BSN: variants seen among roughly 807,000 people sequenced by gnomAD.
BSN encodes protein bassoon.
BSN carries 57 observed loss-of-function variants against 264.8 expected under a neutral mutation model. The ratio of observed to expected loss-of-function variants is 0.22; its 90% CI spans 0.17 to 0.27. The LOEUF is 0.27. Ranked by LOEUF, BSN falls within the 10% of genes least tolerant of loss-of-function variation. The pLI is 1.00. For missense variants in BSN, 4,615 were observed against 5,232.5 expected, an observed-to-expected ratio of 0.88 and a Z score of 3.64; for synonymous variants, 2,059 against 2,137.3, an observed-to-expected ratio of 0.96 and a Z score of 1.01.
At chr3:49,644,714 G>A (rs1312690165) in intron 3 of BSN, among the ~76,000 whole-genome samples, 3 of 152,178 alleles carry the variant, frequency 2.0e-5, no homozygotes, top group South Asian at 2.1e-4. Flanking sequence ...GACACTGAGC[G>A]ACTGTGAGCC....
rs534689607 is a variant in BSN at position 49,663,169 on chromosome 3, G to T, written c.11011G>T (p.Ala3671Ser). 2.5e-6 allele frequency: 4 copies of T among 1,613,242 alleles called. No homozygotes were observed. Among genetic ancestry groups the T allele is most frequent in the East Asian group, 2.2e-5 (1 of 44,876 alleles). ...EPGRRAAKPH[A>S]RDLGRHEARP... ...GGGACGGCGTGCTGCCAAACCACACGCTCGGGACCTGGGTCGCCATGAGGC... is the reference window on the plus strand; with the variant it reads ...GGGACGGCGTGCTGCCAAACCACACTCTCGGGACCTGGGTCGCCATGAGGC... Residue 3671 changes from alanine to serine, a missense_variant, in exon 7 of 12, where the codon GCT (alanine) becomes TCT (serine). Ala to Ser is a moderately conservative substitution (Grantham distance 99, BLOSUM62 1). Around this residue, in one of 3 missense-constraint regions of BSN, gnomAD observed 3,415 missense variants for 3,866.4 expected, o/e 0.88. Transcript: ENST00000296452.
intron 1 of BSN, among the ~76,000 whole-genome samples, chr3:49,580,836 A>G (rs1487487223): frequency 6.6e-6 from 1 of 152,120 alleles, no homozygotes; most frequent in Non-Finnish European, 1.5e-5. Context: ...TAAGTGTACA[A>G]TTTAGTGGCA....
chr3:49,588,651 C>A (rs1198997255), intron 1 of BSN, among the ~76,000 whole-genome samples: 2 of 152,176 alleles, frequency 1.3e-5, no homozygotes, highest in South Asian at 2.1e-4. Context: ...TCTCAAAGTA[C>A]TTTAAAATTT....
Position 49,652,763 on chromosome 3 carries a change from C to A in BSN, c.3207C>A (p.Ser1069Arg). ...MREVEQQRIRSTARKTRRDKE... is the reference protein window; with the variant it reads ...MREVEQQRIRRTARKTRRDKE... ...AGGTGGAGCAGCAGCGCATCCGCAG[C>A]ACGGCCCGCAAGACCCGGCGGGACA... Residue 1069 changes from serine to arginine, a missense_variant, in exon 5 of 12, where the codon AGC becomes AGA. Ser to Arg is a moderately radical substitution (Grantham distance 110, BLOSUM62 -1). Coordinates refer to ENST00000296452, the MANE Select transcript of BSN (RefSeq NM_003458.4). The A allele has an allele frequency of 6.4e-7, 1 of 1,554,402 alleles. No individual in the cohort carries two copies. The highest frequency in any genetic ancestry group is 1.7e-4 in the Middle Eastern group (1 of 5,746).
In BSN at chr3:49,650,695, C is replaced by T. The variant is rs759073372; in HGVS notation, c.1602C>T (p.Pro534=). Residue 534 remains proline (P), a synonymous_variant, in exon 4 of 12, where the codon CCC becomes CCT. Coordinates refer to ENST00000296452, the MANE Select transcript of BSN (RefSeq NM_003458.4). ...GAGAGCCGACCCCCCTGCCGCCGCC[C>T]ACCTCACAGCAGCCCCCTGTAGGGG... ...SLGEPTPLPP[P]TSQQPPVGAP... The T allele has an allele frequency of 6.2e-7, 1 of 1,609,754 alleles. No individual in the cohort carries two copies. Among genetic ancestry groups the T allele is most frequent in the Admixed American group, 1.7e-5 (1 of 58,528 alleles).
At chr3:49,583,268 A>C (rs2051908638) in intron 1 of BSN, among the ~76,000 whole-genome samples, 1 of 152,098 alleles carries the variant, frequency 6.6e-6, no homozygotes. Context: ...TGTGTCTGGA[A>C]CATTGATTGA....
intron 1 of BSN, among the ~76,000 whole-genome samples, chr3:49,604,041 T>C (rs945858320): frequency 6.6e-6 from 1 of 152,180 alleles, no homozygotes; most frequent in African/African-American, 2.4e-5. Context: ...TGTTTTATCT[T>C]GTTTTGTTTT....
In BSN at chr3:49,651,735, G is replaced by A. The variant is rs770201647; in HGVS notation, c.2179G>A (p.Val727Met). 25 of 1,613,698 alleles carry A rather than the reference G, an allele frequency of 1.5e-5. No homozygotes were observed. The Admixed American group carries it at 4.2e-4, about 27-fold the overall frequency. ...HPPSPSEIHK[V>M]GSSMRPLLQA... ...ACCCAGCCCCTCCGAGATCCACAAGGTGGGGAGCAGCATGCGGCCTTTGCT... is the reference window on the plus strand; with the variant it reads ...ACCCAGCCCCTCCGAGATCCACAAGATGGGGAGCAGCATGCGGCCTTTGCT... Residue 727 changes from valine (V) to methionine (M), a missense_variant, in exon 5 of 12, where the codon GTG (valine) becomes ATG (methionine). Physicochemically the swap from Val to Met is conservative, Grantham distance 21. Around this residue, in one of 3 missense-constraint regions of BSN, gnomAD observed 1,197 missense variants for 1,348.0 expected, o/e 0.89. Coordinates refer to ENST00000296452, the MANE Select transcript of BSN (RefSeq NM_003458.4). This position sits in a 1 kb window ranked among gnomAD's most constrained non-coding sequence, Gnocchi z 5.4.
intron 1 of BSN, among the ~76,000 whole-genome samples, chr3:49,572,207 C>T (rs187566549): frequency 6.6e-6 from 1 of 152,292 alleles, no homozygotes; most frequent in East Asian, 1.9e-4. Flanking sequence ...ATTAATCTGA[C>T]ATAAAAACTT....
chr3:49,625,334 A>G lies in BSN; in HGVS notation c.584A>G (p.Asn195Ser), dbSNP rs371158013. Residue 195 changes from asparagine (N) to serine (S), a missense_variant, in exon 2 of 12, where the codon AAC (asparagine) becomes AGC (serine). Transcript: ENST00000296452. The surrounding 1 kb of genome is among the most constrained non-coding windows in gnomAD (Gnocchi z 4.4). ...TTCAACACCTGCACCCAGTGTCACA[A>G]CAAGGTCTGCAACCAGTGTGGGTTC... ...PNFNTCTQCH[N>S]KVCNQCGFNP... The G allele has an allele frequency of 6.4e-7, 1 of 1,570,364 alleles. No homozygotes were observed. The highest frequency in any genetic ancestry group is 1.4e-5 in the African/African-American group (1 of 73,360).
At chr3:49,615,436 T>C (rs1032375132) in intron 1 of BSN, among the ~76,000 whole-genome samples, 1 of 152,156 alleles carries the variant, frequency 6.6e-6, no homozygotes, top group Non-Finnish European at 1.5e-5. Context: ...CTGGGGTCTT[T>C]TGAGTCTTGG....
In BSN at chr3:49,660,454, C is replaced by T; in HGVS notation, c.8641-32C>T. The T allele has an allele frequency of 6.6e-7, 1 of 1,519,264 alleles. No individual in the cohort carries two copies. Among genetic ancestry groups the T allele is most frequent in the Non-Finnish European group, 8.8e-7 (1 of 1,134,666 alleles). The allele number at this position is 1,519,264 out of a possible 1,614,324, so 94.1% of individuals were successfully genotyped here. A position where few individuals can be genotyped will look rare whatever the true frequency, so the allele number is the denominator to read the frequency against. ...CCCATCAAGTCACCACACCTTGGGT[C>T]TCAGTGCTGCCCACCCTTCCCTCTG... On this transcript the variant is annotated intron_variant, in intron 5 of 11. Coordinates refer to ENST00000296452, the MANE Select transcript of BSN (RefSeq NM_003458.4). This position sits in a 1 kb window ranked among gnomAD's most constrained non-coding sequence, Gnocchi z 7.1.
intron 2 of BSN, among the ~76,000 whole-genome samples, chr3:49,630,193 G>C (rs1442699913): frequency 6.6e-6 from 1 of 152,240 alleles, no homozygotes; most frequent in African/African-American, 2.4e-5. Flanking sequence ...GGGCCAGAGA[G>C]GAATGAGGAG....
At chr3:49,650,090 T>C (rs1442029400) in intron 3 of BSN, among the ~76,000 whole-genome samples, 5 of 152,146 alleles carry the variant, frequency 3.3e-5, no homozygotes, top group Admixed American at 2.0e-4. Flanking sequence ...CTGCACCCTA[T>C]CTAGCATAGC....
intron 1 of BSN, among the ~76,000 whole-genome samples, chr3:49,555,027 C>T (rs964244912): frequency 1.3e-5 from 2 of 152,192 alleles, no homozygotes; most frequent in East Asian, 1.9e-4. Context: ...GGCAGGATGA[C>T]GAGCGCAGGG....
chr3:49,664,781 C>A lies in BSN; in HGVS notation c.11741-18C>A. 3 of 1,613,910 alleles carry A rather than the reference C, an allele frequency of 1.9e-6. No individual in the cohort carries two copies. Among genetic ancestry groups the A allele is most frequent in the Non-Finnish European group, 2.5e-6 (3 of 1,179,956 alleles). ...TGGCCCAATTTCCTGATGGCTCTCT[C>A]CTCTTTCTTTGTCACAGCTGTCTCT... On this transcript the variant is annotated intron_variant, in intron 9 of 11. Coordinates refer to ENST00000296452, the MANE Select transcript of BSN (RefSeq NM_003458.4).
rs562163855 is a variant in BSN at position 49,604,998 on chromosome 3, G to A, written c.225-19977G>A. ...TTGCAGGCTGGGCGCGGTAGCTCAC[G>A]CCTGTAATCCCAGCACTTTGGGAGG... On this transcript the variant is annotated intron_variant, in intron 1 of 11. Coordinates refer to ENST00000296452, the MANE Select transcript of BSN (RefSeq NM_003458.4). 2.6e-4 allele frequency among the ~76,000 whole-genome samples: 40 copies of A among 151,692 alleles called. 1 individual carries two copies. The highest frequency in any genetic ancestry group is 4.7e-4 in the Non-Finnish European group (32 of 67,960).
chr3:49,616,987 G>C (rs1406333063), intron 1 of BSN, among the ~76,000 whole-genome samples: 4 of 152,154 alleles, frequency 2.6e-5, no homozygotes, highest in Admixed American at 6.5e-5. Flanking sequence ...TGGCCAGGGG[G>C]CTCCTTCCTG....
intron 2 of BSN, among the ~76,000 whole-genome samples, chr3:49,635,113 G>C (rs1260608732): frequency 2.6e-5 from 4 of 152,204 alleles, no homozygotes; most frequent in Non-Finnish European, 1.5e-5. Context: ...GAATTTTTCT[G>C]TTTGGGCCAT....
Sources: gnomAD v4.1 joint callset for allele counts (sites outside exome capture counted in the v4.1 genomes callset) on GRCh38, gnomAD v4.1.1 for gene constraint, gnomAD v4.1.1 regional missense constraint, Gnocchi (gnomAD v3.1) non-coding constraint, MANE v1.5 for transcripts, NCBI Gene and HGNC (gene_info 2026-07-23, HGNC 2026-07-21) for gene names.